The following EIF4E1B variants were observed in gnomAD, a reference collection of about 807,000 sequenced individuals.
EIF4E1B encodes eukaryotic translation initiation factor 4E type 1B.
Under a neutral mutation model 31.3 loss-of-function variants are expected in EIF4E1B, and 22 were observed. That is an observed-to-expected ratio of 0.70 (90% confidence interval 0.50 to 1.00). The LOEUF (loss-of-function observed/expected upper bound fraction) is 1.00, where lower values mean the gene tolerates loss of function less well. Ranked by LOEUF, EIF4E1B falls within the 50% of genes least tolerant of loss-of-function variation. The pLI is 0.00. For synonymous variants in EIF4E1B, 126 were observed against 120.2 expected (o/e 1.05, Z -0.31); for missense variants, 290 against 311.6 (o/e 0.93, Z 0.52).
intron 1 of EIF4E1B, among the ~76,000 whole-genome samples, chr5:176,637,774 T>G (rs565946782): frequency 6.6e-6 from 1 of 152,250 alleles, no homozygotes; most frequent in South Asian, 2.1e-4. Context: ...TGTGGGCTCC[T>G]GCGCTGTGAG....
At chr5:176,637,385 G>T (rs572144945) in intron 1 of EIF4E1B, among the ~76,000 whole-genome samples, 9 of 152,314 alleles carry the variant, frequency 5.9e-5, no homozygotes, top group African/African-American at 2.2e-4. Flanking sequence ...GTTACAGTGG[G>T]CTGAGATCGT....
Position 176,642,861 on chromosome 5 carries a change from C to CGT in EIF4E1B, c.15+59_15+60insGT. The CGT allele has an allele frequency of 1.9e-5, 21 of 1,123,526 alleles. 1 individual carries two copies. Among genetic ancestry groups the CGT allele is most frequent in the East Asian group, 3.7e-5 (1 of 27,154 alleles). The allele number at this position is 1,123,526 out of a possible 1,614,324, so 69.6% of individuals were successfully genotyped here. A position where few individuals can be genotyped will look rare whatever the true frequency, so the allele number is the denominator to read the frequency against. On this transcript the variant is annotated intron_variant, in intron 3 of 8. Coordinates refer to ENST00000318682, the MANE Select transcript of EIF4E1B (RefSeq NM_001099408.2). ...CATGGCCCCGCCCTCTCCCCCCCCC[C>CGT]CCCCGCCCCAGGTGGGCGGGGCAGG...
In EIF4E1B at chr5:176,645,280, G is replaced by C; in HGVS notation, c.474+37G>C. The C allele has an allele frequency of 6.3e-7, 1 of 1,599,348 alleles. No individual in the cohort carries two copies. The highest frequency in any genetic ancestry group is 8.5e-7 in the Non-Finnish European group (1 of 1,170,516). On this transcript the variant is annotated intron_variant, in intron 7 of 8. Transcript: ENST00000318682. The surrounding 1 kb of genome is among the most constrained non-coding windows in gnomAD (Gnocchi z 5.4). ...GAGGAGGGTCCTCAGGGGAAGAGAC[G>C]GGCTGTGTGGGTCTCATGGTGGCAG...
chr5:176,634,672 T>C (rs2358746), intron 1 of EIF4E1B, among the ~76,000 whole-genome samples: 28,457 of 129,804 alleles, frequency 0.22, 2,776 homozygotes, highest in East Asian at 0.6. Context: ...TTTTTTTTTT[T>C]CTTTTTTTTT....
At chr5:176,642,870 C>CCCCCCCCGGGGGGG in intron 3 of EIF4E1B, 68 bp downstream of exon 3, 2 of 1,426,052 alleles carry the variant, frequency 1.4e-6, no homozygotes, top group Non-Finnish European at 9.5e-7. Flanking sequence ...CCCCCCGCCC[C>CCCCCCCCGGGGGGG]AGGTGGGCGG....
At chr5:176,643,793 T>C in intron 5 of EIF4E1B, 59 bp downstream of exon 5, 1 of 1,542,404 alleles carries the variant, frequency 6.5e-7, no homozygotes, top group Non-Finnish European at 8.8e-7. Context: ...GGGCTCCCTC[T>C]CTCCGGGTTG....
chr5:176,645,985 G>T lies in EIF4E1B; in HGVS notation c.*5G>T. The T allele has an allele frequency of 1.3e-6, 2 of 1,590,686 alleles. No homozygotes were observed. Among genetic ancestry groups the T allele is most frequent in the Non-Finnish European group, 1.7e-6 (2 of 1,167,200 alleles). ...AAGAACAAGTTTGTGGTGTGAGGGG[G>T]GCCTTGGCACCCCTCCTATGTAATG... is the stretch of plus-strand genomic sequence containing the variant. On this transcript the variant is annotated 3_prime_UTR_variant, in exon 9 of 9. Transcript: ENST00000318682. This position sits in a 1 kb window ranked among gnomAD's most constrained non-coding sequence, Gnocchi z 5.4.
Position 176,645,835 on chromosome 5 carries a change from C to G in EIF4E1B, c.615-31C>G, listed in dbSNP as rs777984762. 1.3e-6 allele frequency: 2 copies of G among 1,532,598 alleles called. No individual in the cohort carries two copies. Among genetic ancestry groups the G allele is most frequent in the Admixed American group, 2.1e-5 (1 of 48,056 alleles). 94.9% of individuals were successfully genotyped at this position (1,532,598 alleles called of 1,614,324 possible). On this transcript the variant is annotated intron_variant, in intron 8 of 8. Transcript: ENST00000318682. The surrounding 1 kb of genome is among the most constrained non-coding windows in gnomAD (Gnocchi z 5.4). ...AGGACCCTCTGATGACTACCTGTGT[C>G]TCTTTTCCTCTGTGTCCCCCGCACC...
In EIF4E1B at chr5:176,646,268, G is replaced by A. The variant is rs890228517; in HGVS notation, c.*288G>A. The A allele has an allele frequency of 3.0e-5, 11 of 367,210 alleles. No homozygotes were observed. Among genetic ancestry groups the A allele is most frequent in the African/African-American group, 1.8e-4 (9 of 49,632 alleles). 22.7% of individuals were successfully genotyped at this position (367,210 alleles called of 1,614,324 possible). A position where few individuals can be genotyped will look rare whatever the true frequency, so the allele number is the denominator to read the frequency against. On this transcript the variant is annotated 3_prime_UTR_variant, in exon 9 of 9. Coordinates refer to ENST00000318682, the MANE Select transcript of EIF4E1B (RefSeq NM_001099408.2). ...CATGGCGGGGAAGGAGGGCTCTATG[G>A]TAGGCGGAGAAACCCATAGTCCAGC...
Position 176,645,825 on chromosome 5 carries a change from C to A in EIF4E1B, c.615-41C>A. Reference sequence around the variant, plus strand: ...AGTTATCTCTAGGACCCTCTGATGACTACCTGTGTCTCTTTTCCTCTGTGT... The same window carrying A: ...AGTTATCTCTAGGACCCTCTGATGAATACCTGTGTCTCTTTTCCTCTGTGT... On this transcript the variant is annotated intron_variant, in intron 8 of 8. Transcript: ENST00000318682. This position sits in a 1 kb window ranked among gnomAD's most constrained non-coding sequence, Gnocchi z 5.4. 2.0e-6 allele frequency: 3 copies of A among 1,508,308 alleles called. No homozygotes were observed. Among genetic ancestry groups the A allele is most frequent in the Non-Finnish European group, 2.7e-6 (3 of 1,115,782 alleles). 93.4% of individuals were successfully genotyped at this position (1,508,308 alleles called of 1,614,324 possible).
rs1561912083 is a variant in EIF4E1B at position 176,645,977 on chromosome 5, G to A, written c.726G>A (p.Val242=). 6.2e-7 allele frequency: 1 copy of A among 1,601,264 alleles called. No individual in the cohort carries two copies. The change falls in exon 9 of 9, where the codon GTG becomes GTA. Residue 242 remains valine (V), a synonymous_variant. Coordinates refer to ENST00000318682, the MANE Select transcript of EIF4E1B (RefSeq NM_001099408.2). The surrounding 1 kb of genome is among the most constrained non-coding windows in gnomAD (Gnocchi z 5.4). ...SNSLAKNKFV[V] is the part of the protein sequence containing the mutation. Reference sequence around the variant, plus strand: ...CCCTAGCCAAGAACAAGTTTGTGGTGTGAGGGGGGCCTTGGCACCCCTCCT... The same window carrying A: ...CCCTAGCCAAGAACAAGTTTGTGGTATGAGGGGGGCCTTGGCACCCCTCCT...
chr5:176,644,250 G>A (rs549410180), intron 5 of EIF4E1B, 126 bp from the exon 6 acceptor site: 2 of 919,914 alleles, frequency 2.2e-6, no homozygotes, highest in Admixed American at 2.8e-5. Context: ...ATCCCAGGTG[G>A]CAGGCCAGTG....
chr5:176,640,675 C>G (rs1370224176), intron 1 of EIF4E1B, among the ~76,000 whole-genome samples: 1 of 152,314 alleles, frequency 6.6e-6, no homozygotes, highest in East Asian at 1.9e-4. Context: ...TCCAGAGAAC[C>G]TGCTGAAAAG....
chr5:176,635,229 G>A (rs958435993), intron 1 of EIF4E1B, among the ~76,000 whole-genome samples: 4 of 152,154 alleles, frequency 2.6e-5, no homozygotes, highest in African/African-American at 9.6e-5. Context: ...GCTGAAGAGA[G>A]TGCACAAAGA....
intron 6 of EIF4E1B, among the ~76,000 whole-genome samples, 190 bp from the exon 7 acceptor site, chr5:176,644,940 G>T (rs1348455885): frequency 6.6e-6 from 1 of 152,186 alleles, no homozygotes; most frequent in African/African-American, 2.4e-5. Flanking sequence ...GCTATACAAG[G>T]TGACCAGTGC....
rs2113431308 is a variant in EIF4E1B, at chr5:176,630,875, G to A, written c.-391G>A. On this transcript the variant is annotated 5_prime_UTR_variant, in exon 1 of 9. An upstream start codon of the reference 5' UTR is lost. Transcript: ENST00000318682. ...AACAGGAATGGTTAATTCAACGAAT[G>A]TTTACTGAGCGCTTAGTCCAGTGGT... 1 of 152,460 alleles carries A rather than the reference G, an allele frequency of 6.6e-6. No homozygotes were observed. Among genetic ancestry groups the A allele is most frequent in the Non-Finnish European group, 1.5e-5 (1 of 68,046 alleles). The allele number at this position is 152,460 out of a possible 1,614,324, so 9.4% of individuals were successfully genotyped here. A position where few individuals can be genotyped will look rare whatever the true frequency, so the allele number is the denominator to read the frequency against.
chr5:176,639,590 T>TG (rs1399800373), intron 1 of EIF4E1B, among the ~76,000 whole-genome samples: 2 of 152,144 alleles, frequency 1.3e-5, no homozygotes, highest in Admixed American at 6.5e-5. Context: ...TGCCCGGTAC[T>TG]GGGGGGAGCC....
intron 1 of EIF4E1B, among the ~76,000 whole-genome samples, chr5:176,635,036 C>T (rs1443702063): frequency 1.3e-5 from 2 of 151,938 alleles, no homozygotes; most frequent in Non-Finnish European, 2.9e-5. Context: ...GGTTTGGAGT[C>T]ATTAGCATAG....
chr5:176,633,043 G>C (rs1251188065), intron 1 of EIF4E1B, among the ~76,000 whole-genome samples: 1 of 152,162 alleles, frequency 6.6e-6, no homozygotes, highest in African/African-American at 2.4e-5. Flanking sequence ...ACTCACTGTG[G>C]GAGTGTCCAA....
Sources: gnomAD v4.1 joint callset for allele counts (sites outside exome capture counted in the v4.1 genomes callset) on GRCh38, gnomAD v4.1.1 for gene constraint, Gnocchi (gnomAD v3.1) non-coding constraint, MANE v1.5 for transcripts, NCBI Gene and HGNC (gene_info 2026-07-23, HGNC 2026-07-21) for gene names.